The following DSCAM variants were observed in gnomAD, a reference collection of about 807,000 sequenced individuals.
DSCAM encodes DS cell adhesion molecule, also known as cell adhesion molecule DSCAM.
In DSCAM, 47 loss-of-function variants were observed where a neutral mutation model predicts 217.7. The ratio of observed to expected loss-of-function variants is 0.22; its 90% confidence interval spans 0.17 to 0.28. The LOEUF is 0.28. Among genes scored for constraint, DSCAM ranks in the 10% least tolerant of loss-of-function variants. The pLI is 1.00. For synonymous variants in DSCAM, 1,056 were observed against 1,015.3 expected, an observed-to-expected ratio of 1.04 and a Z score of -0.76; for missense variants, 2,080 against 2,618.3, an observed-to-expected ratio of 0.79 and a Z score of 4.49.
intron 1 of DSCAM, among the ~76,000 whole-genome samples, chr21:40,786,911 T>C (rs1210010705): frequency 1.3e-5 from 2 of 152,226 alleles, no homozygotes; most frequent in Non-Finnish European, 1.5e-5. Flanking sequence ...ATTACGAATC[T>C]GAAACTCAGA....
intron 3 of DSCAM, among the ~76,000 whole-genome samples, chr21:40,676,392 A>G (rs1462779781): frequency 6.6e-6 from 1 of 152,198 alleles, no homozygotes. Flanking sequence ...AATGGACTTC[A>G]GGCTTTCATG....
intron 9 of DSCAM, among the ~76,000 whole-genome samples, chr21:40,301,436 A>G (rs1429001294): frequency 1.3e-5 from 2 of 152,226 alleles, no homozygotes; most frequent in East Asian, 3.8e-4. Context: ...CCCCAAGACC[A>G]TTCTTGCTGC....
chr21:40,666,651 G>C (rs764797004), intron 3 of DSCAM, among the ~76,000 whole-genome samples: 1 of 152,162 alleles, frequency 6.6e-6, no homozygotes, highest in Non-Finnish European at 1.5e-5. Flanking sequence ...TTTCCTGGGC[G>C]TTTTGTACTT....
intron 20 of DSCAM, among the ~76,000 whole-genome samples, chr21:40,112,674 A>T (rs1454239739): frequency 1.3e-5 from 2 of 152,294 alleles, no homozygotes; most frequent in East Asian, 1.9e-4. Flanking sequence ...CGCTAGCAAG[A>T]CTAATAAAGA....
intron 2 of DSCAM, among the ~76,000 whole-genome samples, chr21:40,694,065 G>A (rs999168302): frequency 2.8e-4 from 42 of 152,218 alleles, no homozygotes; most frequent in Non-Finnish European, 2.2e-4. Flanking sequence ...CTAGAAGCAG[G>A]TTGGGTAAGG....
At chr21:40,087,113 A>G (rs1601316611) in intron 22 of DSCAM, 57 bp downstream of exon 22, 10 of 1,275,496 alleles carry the variant, frequency 7.8e-6, no homozygotes, top group Non-Finnish European at 1.1e-5. Flanking sequence ...CAACCTGAGT[A>G]TGTCAGATGT....
chr21:40,211,966 T>C (rs1184787745), intron 11 of DSCAM, among the ~76,000 whole-genome samples: 1 of 151,514 alleles, frequency 6.6e-6, no homozygotes, highest in Admixed American at 6.6e-5. Flanking sequence ...TCTGAAGCTT[T>C]TTTTTTTTTG....
rs557601161 is a variant in DSCAM, at chr21:40,283,850, T to C, written c.2183-7580A>G. 6.0e-4 allele frequency among the ~76,000 whole-genome samples: 91 copies of C among 152,270 alleles called. 1 individual carries two copies. Among genetic ancestry groups the C allele is most frequent in the Non-Finnish European group, 1.2e-3 (80 of 68,020 alleles). On this transcript the variant is annotated intron_variant, in intron 10 of 32. Coordinates refer to ENST00000400454, the MANE Select transcript of DSCAM (RefSeq NM_001389.5). ...AAGGAGAGCTTGGTCAATGAGCTCA[T>C]CCAGAGGGGTCCCCTTGTAGGGTGA...
chr21:40,669,426 T>C lies in DSCAM; in HGVS notation c.508+23384A>G, dbSNP rs1231335365. Among the ~76,000 whole-genome samples the C allele has an allele frequency of 3.3e-5, 5 of 152,246 alleles. No homozygotes were observed. In the South Asian group the frequency reaches 6.2e-4, roughly 19 times the overall value. On this transcript the variant is annotated intron_variant, in intron 3 of 32. Transcript: ENST00000400454. ...CTCATTAAATGAAGAGTCATGGAGT[T>C]CCTATGTGCCAGTTACTATTCTAGA... is the stretch of plus-strand genomic sequence containing the variant.
chr21:40,412,872 A>G (rs2075336058), intron 3 of DSCAM, among the ~76,000 whole-genome samples: 1 of 152,182 alleles, frequency 6.6e-6, no homozygotes, highest in South Asian at 2.1e-4. Flanking sequence ...TGAAGGAAAA[A>G]GTGGTTTCAT....
chr21:40,342,624 G>GTATATATATA (rs1363119200), intron 6 of DSCAM, among the ~76,000 whole-genome samples: 3 of 77,276 alleles, frequency 3.9e-5, no homozygotes, highest in African/African-American at 1.7e-4. Flanking sequence ...GTGTGTGTGT[G>GTATATATATA]TGTATATATA....
intron 15 of DSCAM, among the ~76,000 whole-genome samples, chr21:40,177,026 G>A (rs1466231020): frequency 6.6e-6 from 1 of 152,224 alleles, no homozygotes; most frequent in Non-Finnish European, 1.5e-5. Flanking sequence ...GGAGGTGGCT[G>A]GGATGGGGCG....
At chr21:40,521,072 A>T (rs942948263) in intron 3 of DSCAM, among the ~76,000 whole-genome samples, 2 of 152,228 alleles carry the variant, frequency 1.3e-5, no homozygotes, top group African/African-American at 2.4e-5. Flanking sequence ...ATAATTCAAG[A>T]ATCCCTACTG....
chr21:40,520,777 A>G (rs2076352631), intron 3 of DSCAM, among the ~76,000 whole-genome samples: 1 of 152,212 alleles, frequency 6.6e-6, no homozygotes, highest in Admixed American at 6.5e-5. Context: ...ACTGCACTCC[A>G]GCCTGGGTGA....
intron 8 of DSCAM, among the ~76,000 whole-genome samples, chr21:40,325,198 TA>T (rs1382073567): frequency 6.6e-6 from 1 of 152,108 alleles, no homozygotes; most frequent in African/African-American, 2.4e-5. Flanking sequence ...GACAAGGGTA[TA>T]AAAAGGTAGT....
intron 1 of DSCAM, among the ~76,000 whole-genome samples, chr21:40,821,987 T>C (rs942941785): frequency 1.5e-4 from 23 of 148,960 alleles, no homozygotes; most frequent in African/African-American, 5.7e-4. Flanking sequence ...ATGTAACAAA[T>C]CTGCGCATGT....
chr21:40,667,785 CTA>C (rs1484219652), intron 3 of DSCAM, among the ~76,000 whole-genome samples: 3 of 152,154 alleles, frequency 2.0e-5, no homozygotes, highest in South Asian at 4.1e-4. Flanking sequence ...TGCCATGATT[CTA>C]TGTTTCCTGA....
chr21:40,390,262 T>C (rs1297847122), intron 3 of DSCAM, among the ~76,000 whole-genome samples: 1 of 152,234 alleles, frequency 6.6e-6, no homozygotes, highest in Admixed American at 6.5e-5. Context: ...TCTTCTTCAC[T>C]GCACAGGGGT....
At position 40,843,320 on chromosome 21, in the gene DSCAM, A is replaced by G. The variant is rs533529479; in HGVS notation, c.43+3299T>C. 2.0e-5 allele frequency among the ~76,000 whole-genome samples: 3 copies of G among 152,042 alleles called. No homozygotes were observed. In the East Asian group the frequency reaches 5.8e-4, roughly 29 times the overall value. On this transcript the variant is annotated intron_variant, in intron 1 of 32. Coordinates refer to ENST00000400454, the MANE Select transcript of DSCAM (RefSeq NM_001389.5). ...GGCCCCATGAAAGCGGATGCAGTAG[A>G]ACTGAAAATCCCACAGCTCAGGAAA...
Sources: gnomAD v4.1 joint callset for allele counts (sites outside exome capture counted in the v4.1 genomes callset) on GRCh38, gnomAD v4.1.1 for gene constraint, MANE v1.5 for transcripts, NCBI Gene and HGNC (gene_info 2026-07-23, HGNC 2026-07-21) for gene names.